PDE3A: variants seen among roughly 807,000 people sequenced by gnomAD.
PDE3A encodes the protein cGMP-inhibited 3',5'-cyclic phosphodiesterase 3A.
In PDE3A, 43 loss-of-function variants were observed where a neutral mutation model predicts 98.3. That is an observed-to-expected ratio of 0.44 (90% CI 0.34 to 0.56). PDE3A has a LOEUF of 0.56. Among genes scored for constraint, PDE3A ranks in the 20% least tolerant of loss-of-function variants. PDE3A has a pLI of 0.01. For synonymous variants in PDE3A, 663 were observed against 567.9 expected (o/e 1.17, Z -2.38); for missense variants, 1,427 against 1,440.7 (o/e 0.99, Z 0.15).
At chr12:20,615,807 C>T (rs1210198401) in intron 3 of PDE3A, among the ~76,000 whole-genome samples, 2 of 152,070 alleles carry the variant, frequency 1.3e-5, no homozygotes, top group African/African-American at 4.8e-5. Flanking sequence ...CTCACTGCAA[C>T]CTCCGCCTCC....
At chr12:20,398,229 A>T (rs1194642014) in intron 1 of PDE3A, among the ~76,000 whole-genome samples, 1 of 151,230 alleles carries the variant, frequency 6.6e-6, no homozygotes, top group Non-Finnish European at 1.5e-5. Context: ...GAGAGGAGGA[A>T]TTATTCAGTT....
intron 2 of PDE3A, among the ~76,000 whole-genome samples, chr12:20,582,587 T>C (rs1427465600): frequency 1.3e-5 from 2 of 152,160 alleles, no homozygotes; most frequent in African/African-American, 4.8e-5. Flanking sequence ...ATATAGTAGA[T>C]AATTAAATTT....
At chr12:20,443,556 T>C (rs1020862518) in intron 1 of PDE3A, among the ~76,000 whole-genome samples, 1 of 152,230 alleles carries the variant, frequency 6.6e-6, no homozygotes, top group African/African-American at 2.4e-5. Flanking sequence ...TTTTTTTGAC[T>C]AGCTTTTTAA....
chr12:20,685,529 G>A lies in PDE3A; in HGVS notation c.*5258G>A, dbSNP rs1209995229. Among the ~76,000 whole-genome samples, 1 of 151,318 alleles carries A rather than the reference G, an allele frequency of 6.6e-6. No homozygotes were observed. The highest frequency in any genetic ancestry group is 1.9e-4 in the East Asian group (1 of 5,154). ...GTTTACCTGCTGATTCAAAAATACT[G>A]ACCTAGTATCAGTGTAGGTAAGACC... On this transcript the variant is annotated 3_prime_UTR_variant, in exon 16 of 16. Coordinates refer to ENST00000359062, the MANE Select transcript of PDE3A (RefSeq NM_000921.5).
In PDE3A at chr12:20,680,092, C is replaced by A. The variant is rs748901592; in HGVS notation, c.3247C>A (p.His1083Asn). The change falls in exon 16 of 16, where the codon CAC becomes AAC. Residue 1083 changes from histidine (H) to asparagine (N), a missense_variant. Transcript: ENST00000359062. ...AATAACTCAGCACCTCTTACAGAAC[C>A]ACAAGATGTGGAAGAAAGTCATTGA... ...CQITQHLLQN[H>N]KMWKKVIEEE... 1 of 1,611,194 alleles carries A rather than the reference C, an allele frequency of 6.2e-7. No individual in the cohort carries two copies. The highest frequency in any genetic ancestry group is 8.5e-7 in the Non-Finnish European group (1 of 1,177,698).
intron 8 of PDE3A, among the ~76,000 whole-genome samples, chr12:20,635,588 A>G (rs992188868): frequency 2.8e-4 from 42 of 149,166 alleles, no homozygotes; most frequent in African/African-American, 9.9e-4. Context: ...AAAAAAAAAA[A>G]AAAGAAAGAA....
intron 1 of PDE3A, 154 bp downstream of exon 1, chr12:20,370,398 TTG>T (rs1491055772): frequency 4.2e-6 from 2 of 472,238 alleles, no homozygotes; most frequent in East Asian, 6.7e-5. Flanking sequence ...GGTTTTTTTT[TTG>T]TTTTTTTTGT....
chr12:20,412,437 G>A (rs918902278), intron 1 of PDE3A, among the ~76,000 whole-genome samples: 5 of 152,058 alleles, frequency 3.3e-5, no homozygotes, highest in East Asian at 1.9e-4. Flanking sequence ...AGAATCACAC[G>A]GACAACTTTT....
intron 2 of PDE3A, among the ~76,000 whole-genome samples, chr12:20,558,715 T>TAATAAC (rs1301226431): frequency 1.3e-5 from 2 of 148,982 alleles, no homozygotes; most frequent in Non-Finnish European, 3.0e-5. Flanking sequence ...ATAATAATAA[T>TAATAAC]AATAACAATA....
intron 6 of PDE3A, 146 bp downstream of exon 6, chr12:20,630,273 T>C: frequency 1.6e-6 from 1 of 620,588 alleles, no homozygotes; most frequent in Non-Finnish European, 2.9e-6. Flanking sequence ...TTGTGTTGAA[T>C]AGGCTACAAT....
At chr12:20,625,740 G>T (rs1464664761) in intron 5 of PDE3A, among the ~76,000 whole-genome samples, 1 of 152,062 alleles carries the variant, frequency 6.6e-6, no homozygotes, top group Non-Finnish European at 1.5e-5. Flanking sequence ...CTTGTGTCTT[G>T]ACACACATTT....
At chr12:20,555,107 TC>T (rs1489512104) in intron 1 of PDE3A, among the ~76,000 whole-genome samples, 3 of 152,008 alleles carry the variant, frequency 2.0e-5, no homozygotes, top group Admixed American at 6.6e-5. Flanking sequence ...CACTGCAACC[TC>T]TGCCTCCCAG....
chr12:20,533,048 A>G (rs12314434), intron 1 of PDE3A, among the ~76,000 whole-genome samples: 17,511 of 152,200 alleles, frequency 0.12, 1,067 homozygotes, highest in African/African-American at 0.13. Flanking sequence ...ATATTGAGAT[A>G]ACTTTCAAAC....
chr12:20,509,715 G>A (rs772117938), intron 1 of PDE3A, among the ~76,000 whole-genome samples: 28 of 151,890 alleles, frequency 1.8e-4, no homozygotes, highest in Admixed American at 3.9e-4. Context: ...TTTCCTTCCG[G>A]ATGTTAAATG....
intron 1 of PDE3A, among the ~76,000 whole-genome samples, chr12:20,417,655 G>A (rs1231472450): frequency 6.6e-6 from 1 of 152,150 alleles, no homozygotes; most frequent in Non-Finnish European, 1.5e-5. Context: ...AAAGCCTTGT[G>A]ATTGCCCTAT....
intron 1 of PDE3A, among the ~76,000 whole-genome samples, chr12:20,441,007 T>G (rs1944862561): frequency 1.3e-5 from 2 of 152,136 alleles, no homozygotes; most frequent in Admixed American, 1.3e-4. Context: ...TATAATGAAA[T>G]TGTATGCCAG....
intron 1 of PDE3A, among the ~76,000 whole-genome samples, chr12:20,493,082 T>C (rs1210060495): frequency 6.6e-6 from 1 of 152,218 alleles, no homozygotes; most frequent in Non-Finnish European, 1.5e-5. Context: ...GTATGAAATG[T>C]GTAGGTGAGT....
At chr12:20,454,060 A>C (rs1945113421) in intron 1 of PDE3A, among the ~76,000 whole-genome samples, 1 of 152,100 alleles carries the variant, frequency 6.6e-6, no homozygotes, top group African/African-American at 2.4e-5. Flanking sequence ...AGCTATAGAC[A>C]GCAAACACAT....
chr12:20,579,054 G>A (rs1349531450), intron 2 of PDE3A, among the ~76,000 whole-genome samples: 1 of 151,918 alleles, frequency 6.6e-6, no homozygotes, highest in Non-Finnish European at 1.5e-5. Context: ...TTTAGGTGTT[G>A]TGCTTCTCAC....
Sources: allele counts gnomAD v4.1 joint callset (sites outside exome capture counted in the v4.1 genomes callset), GRCh38; gene constraint gnomAD v4.1.1; transcripts MANE v1.5; gene names NCBI Gene and HGNC (gene_info 2026-07-23, HGNC 2026-07-21).